USP44: variants seen among roughly 807,000 people sequenced by gnomAD.
USP44 encodes the protein ubiquitin carboxyl-terminal hydrolase 44.
In USP44, 61 loss-of-function variants were observed where a neutral mutation model predicts 69.0. The ratio of observed to expected loss-of-function variants is 0.88; its 90% confidence interval spans 0.72 to 1.09. The LOEUF is 1.09. Ranked by LOEUF, USP44 falls within the 50% of genes least tolerant of loss-of-function variation. The probability of loss-of-function intolerance (pLI) is 0.00; values close to 1 mark genes in which losing one functional copy is unlikely to be tolerated. For missense variants in USP44, 753 were observed against 849.9 expected (o/e 0.89, Z 1.42); for synonymous variants, 297 against 295.4 (o/e 1.01, Z -0.06).
intron 1 of USP44, among the ~76,000 whole-genome samples, chr12:95,542,280 CCTAA>C (rs2077414350): frequency 6.6e-6 from 1 of 152,188 alleles, no homozygotes. Flanking sequence ...TACTTTGCCA[CCTAA>C]CTGTTGGGTA....
chr12:95,540,704 T>G (rs1475752217), intron 1 of USP44, among the ~76,000 whole-genome samples: 2 of 152,154 alleles, frequency 1.3e-5, no homozygotes, highest in Non-Finnish European at 2.9e-5. Flanking sequence ...TCTCTATTAC[T>G]TTTCATTTCC....
intron 1 of USP44, among the ~76,000 whole-genome samples, chr12:95,542,460 T>C (rs2077420260): frequency 6.6e-6 from 1 of 152,158 alleles, no homozygotes; most frequent in Non-Finnish European, 1.5e-5. Context: ...CTCTTTATGA[T>C]ATTTGAATCA....
intron 4 of USP44, among the ~76,000 whole-genome samples, chr12:95,522,834 G>A (rs914617641): frequency 1.3e-5 from 2 of 151,362 alleles, no homozygotes; most frequent in African/African-American, 4.9e-5. Flanking sequence ...GACAACTAGT[G>A]GCTGGCAACC....
At chr12:95,519,162 A>G (rs963802883) in intron 5 of USP44, among the ~76,000 whole-genome samples, 4 of 152,192 alleles carry the variant, frequency 2.6e-5, no homozygotes, top group Non-Finnish European at 4.4e-5. Flanking sequence ...CAGACTGTCC[A>G]TATGAGTGGC....
Position 95,530,888 on chromosome 12 carries a change from G to A in USP44, c.1429-1886C>T, listed in dbSNP as rs1017363547. Among the ~76,000 whole-genome samples, 3 of 152,190 alleles carry A rather than the reference G, an allele frequency of 2.0e-5. No individual in the cohort carries two copies. The East Asian group carries it at 5.8e-4, about 29-fold the overall frequency. ...ACGGTATAAACATACGATGTGGCCA[G>A]GAGCAGTGGCTCATGCCTGTAATCC... On this transcript the variant is annotated intron_variant, in intron 2 of 5. Transcript: ENST00000258499.
chr12:95,534,540 C>T (rs544044099), intron 1 of USP44, among the ~76,000 whole-genome samples: 12 of 152,234 alleles, frequency 7.9e-5, no homozygotes, highest in East Asian at 1.9e-4. Flanking sequence ...TCTAATGAGG[C>T]GCCTTTAGCT....
At chr12:95,531,125 C>T (rs1324228068) in intron 2 of USP44, among the ~76,000 whole-genome samples, 1 of 151,848 alleles carries the variant, frequency 6.6e-6, no homozygotes, top group African/African-American at 2.4e-5. Context: ...GATCGCGCCA[C>T]TGCACTCCAG....
chr12:95,530,244 G>A (rs1222737505), intron 2 of USP44, among the ~76,000 whole-genome samples: 1 of 152,146 alleles, frequency 6.6e-6, no homozygotes, highest in Non-Finnish European at 1.5e-5. Context: ...ATAGTCTAAG[G>A]ACTCAGTAGT....
At chr12:95,537,931 G>C (rs922977022) in intron 1 of USP44, among the ~76,000 whole-genome samples, 6 of 152,104 alleles carry the variant, frequency 3.9e-5, no homozygotes, top group Middle Eastern at 3.2e-3. Context: ...TCTCTACTCT[G>C]CAAATAAATT....
At position 95,548,513 on chromosome 12, in the gene USP44, C is replaced by T. The variant is rs2077648755; in HGVS notation, c.-71+2759G>A. 6.6e-6 allele frequency: 1 copy of T among 152,416 alleles called. No homozygotes were observed. The highest frequency in any genetic ancestry group is 1.5e-5 in the Non-Finnish European group (1 of 68,248). The allele number at this position is 152,416 out of a possible 1,614,324, so 9.4% of individuals were successfully genotyped here. ...CTGCCGCCGGGACAGGGTCGGAGCG[C>T]CGCAGAACCCACCGAAACTTCCCAG... On this transcript the variant is annotated intron_variant, in intron 1 of 5. Coordinates refer to ENST00000258499, the MANE Select transcript of USP44 (RefSeq NM_032147.5). The surrounding 1 kb of genome is among the most constrained non-coding windows in gnomAD (Gnocchi z 4.1).
rs1350357951 is a variant in USP44 at position 95,524,679 on chromosome 12, C to T, written c.1733+1G>A. On this transcript the variant is annotated splice_donor_variant, in intron 4 of 5. Coordinates refer to ENST00000258499, the MANE Select transcript of USP44 (RefSeq NM_032147.5). LOFTEE classifies it high-confidence loss of function. ...ACTTTGCAACTGGTCCTACTACAGA[C>T]CTGAATCGTTTGAGGTGCAGTCTGA... The T allele has an allele frequency of 1.2e-6, 2 of 1,605,040 alleles. No homozygotes were observed. The highest frequency in any genetic ancestry group is 1.7e-5 in the Admixed American group (1 of 57,878).
chr12:95,532,691 A>G, intron 2 of USP44, 138 bp downstream of exon 2: 1 of 687,342 alleles, frequency 1.5e-6, no homozygotes, highest in Non-Finnish European at 2.3e-6. Context: ...ATTTCTCTAT[A>G]CATATTTATA....
chr12:95,521,967 G>A (rs985115191), intron 4 of USP44: 16 of 838,200 alleles, frequency 1.9e-5, no homozygotes, highest in African/African-American at 1.7e-4. Flanking sequence ...GTGTCCCCTC[G>A]CTGTGTGTAA....
chr12:95,545,578 T>C lies in USP44; in HGVS notation c.-71+5694A>G, dbSNP rs1592752581. Among the ~76,000 whole-genome samples the C allele has an allele frequency of 2.6e-5, 4 of 152,302 alleles. 1 individual carries two copies. Among genetic ancestry groups the C allele is most frequent in the Admixed American group, 2.6e-4 (4 of 15,296 alleles). ...TAGTTTGCAGTAATTAGGGTAAATC[T>C]TACCCACTCGTATAAGCAATTTTCC... On this transcript the variant is annotated intron_variant, in intron 1 of 5. Transcript: ENST00000258499.
intron 2 of USP44, among the ~76,000 whole-genome samples, chr12:95,531,112 C>T (rs1427885949): frequency 6.6e-6 from 1 of 151,552 alleles, no homozygotes; most frequent in Non-Finnish European, 1.5e-5. Flanking sequence ...TGCAGTGAGC[C>T]GAGATCGCGC....
chr12:95,520,099 T>C (rs1358088169), intron 5 of USP44, among the ~76,000 whole-genome samples: 1 of 147,406 alleles, frequency 6.8e-6, no homozygotes, highest in Non-Finnish European at 1.5e-5. Flanking sequence ...CCCTGGTGGA[T>C]TATTGGGCTT....
At chr12:95,551,603 G>A (rs1030977833), upstream of USP44, 4 of 152,458 alleles carry the variant, frequency 2.6e-5, no homozygotes, top group African/African-American at 7.3e-5. Context: ...AACCTCTTTG[G>A]GGGCCGGGAC....
intron 1 of USP44, 100 bp from the exon 2 acceptor site, chr12:95,534,426 A>G (rs1162791329): frequency 1.1e-5 from 7 of 635,618 alleles, no homozygotes; most frequent in Non-Finnish European, 1.0e-5. Context: ...CCCAATTTCT[A>G]GGCTGCTTAT....
intron 3 of USP44, among the ~76,000 whole-genome samples, chr12:95,527,604 C>T (rs970154374): frequency 6.6e-6 from 1 of 151,802 alleles, no homozygotes; most frequent in African/African-American, 2.4e-5. Flanking sequence ...CCTGCCTCAG[C>T]CTCCCAAGTA....
Sources: allele counts gnomAD v4.1 joint callset (sites outside exome capture counted in the v4.1 genomes callset), GRCh38; gene constraint gnomAD v4.1.1; non-coding constraint Gnocchi (gnomAD v3.1); transcripts MANE v1.5; gene names NCBI Gene and HGNC (gene_info 2026-07-23, HGNC 2026-07-21).